TDRD5: variants seen among roughly 807,000 people sequenced by gnomAD.
TDRD5 encodes the protein tudor domain-containing protein 5.
Under a neutral mutation model 120.6 loss-of-function variants are expected in TDRD5, and 41 were observed. The observed-to-expected ratio is 0.34, with a 90% confidence interval of 0.26 to 0.44. The LOEUF is 0.44. Among genes scored for constraint, TDRD5 ranks in the 20% least tolerant of loss-of-function variants. The probability of loss-of-function intolerance (pLI) is 1.00; values close to 1 mark genes in which losing one functional copy is unlikely to be tolerated. For synonymous variants in TDRD5, 430 were observed against 433.7 expected, an observed-to-expected ratio of 0.99 and a Z score of 0.11; for missense variants, 1,006 against 1,221.2, an observed-to-expected ratio of 0.82 and a Z score of 2.63.
intron 6 of TDRD5, among the ~76,000 whole-genome samples, chr1:179,623,962 A>G (rs1216874867): frequency 1.3e-5 from 2 of 152,040 alleles, no homozygotes; most frequent in Admixed American, 1.3e-4. Flanking sequence ...CTATAAATAC[A>G]TTGTCCTGCT....
At chr1:179,615,814 T>G (rs1676538319) in intron 4 of TDRD5, among the ~76,000 whole-genome samples, 1 of 152,048 alleles carries the variant, frequency 6.6e-6, no homozygotes, top group African/African-American at 2.4e-5. Flanking sequence ...AGCATTCTAT[T>G]CCTAGCTAAA....
intron 17 of TDRD5, among the ~76,000 whole-genome samples, chr1:179,678,126 C>CTAAT: frequency 6.6e-6 from 1 of 152,006 alleles, no homozygotes; most frequent in African/African-American, 2.4e-5. Context: ...GGAATTACAC[C>CTAAT]CCCAGGGGGA....
intron 17 of TDRD5, among the ~76,000 whole-genome samples, chr1:179,690,396 A>G (rs1036448757): frequency 3.0e-4 from 46 of 152,130 alleles, no homozygotes; most frequent in African/African-American, 1.1e-3. Context: ...CGTTATATCC[A>G]ATTTATTTTT....
intron 9 of TDRD5, among the ~76,000 whole-genome samples, chr1:179,639,296 T>G (rs539199165): frequency 6.6e-6 from 1 of 152,296 alleles, no homozygotes; most frequent in South Asian, 2.1e-4. Flanking sequence ...GAGTCAGGAT[T>G]TGGACCCAGG....
At chr1:179,625,443 C>T (rs1677071352) in intron 6 of TDRD5, among the ~76,000 whole-genome samples, 1 of 152,110 alleles carries the variant, frequency 6.6e-6, no homozygotes, top group Non-Finnish European at 1.5e-5. Flanking sequence ...ATTCAGAATA[C>T]ATAAAGACGA....
At chr1:179,655,403 C>A (rs1327626672) in intron 14 of TDRD5, among the ~76,000 whole-genome samples, 2 of 152,280 alleles carry the variant, frequency 1.3e-5, no homozygotes, top group Non-Finnish European at 2.9e-5. Context: ...CACTGTTACA[C>A]CTTTTTTTCC....
At chr1:179,606,998 A>T (rs1676016052) in intron 4 of TDRD5, among the ~76,000 whole-genome samples, 1 of 152,102 alleles carries the variant, frequency 6.6e-6, no homozygotes, top group Admixed American at 6.5e-5. Flanking sequence ...TTTGTTTGGG[A>T]TTGAATAGAA....
chr1:179,593,003 A>G (rs1675199289), intron 2 of TDRD5, among the ~76,000 whole-genome samples, 156 bp downstream of exon 2: 1 of 152,190 alleles, frequency 6.6e-6, no homozygotes, highest in African/African-American at 2.4e-5. Flanking sequence ...GTTGTGGGCA[A>G]AATTGGAACC....
chr1:179,690,831 A>G lies in TDRD5; in HGVS notation c.2996A>G (p.Lys999Arg). 1.9e-6 allele frequency: 3 copies of G among 1,614,240 alleles called. No individual in the cohort carries two copies. Among genetic ancestry groups the G allele is most frequent in the Non-Finnish European group, 2.5e-6 (3 of 1,180,036 alleles). ...TCTTATGAGTGCCAGATTTCTCAGA[A>G]GCTCTACATTCCTCGAAGTACAGCC... ...ILSYECQISQ[K>R]LYIPRSTATA... is the part of the protein sequence containing the mutation. Residue 999 changes from lysine (K) to arginine (R), a missense_variant, in exon 18 of 18, where the codon AAG becomes AGG. Around this residue, in one of 3 missense-constraint regions of TDRD5, gnomAD observed 403 missense variants for 448.1 expected, o/e 0.90. Coordinates refer to ENST00000444136, the MANE Select transcript of TDRD5 (RefSeq NM_001199085.3).
At chr1:179,623,625 C>CTT (rs11428251) in intron 6 of TDRD5, among the ~76,000 whole-genome samples, 10,082 of 97,578 alleles carry the variant, frequency 0.1, 420 homozygotes, top group Non-Finnish European at 0.13. Context: ...CCAACTCATT[C>CTT]TTTTTTTTTT....
intron 11 of TDRD5, among the ~76,000 whole-genome samples, chr1:179,646,916 G>A (rs1408003670): frequency 6.6e-6 from 1 of 150,566 alleles, no homozygotes; most frequent in East Asian, 1.9e-4. Flanking sequence ...CCTCTTCAAG[G>A]AGAACTACAA....
intron 5 of TDRD5, among the ~76,000 whole-genome samples, chr1:179,620,695 T>G (rs573889299): frequency 4.6e-5 from 7 of 152,264 alleles, no homozygotes; most frequent in African/African-American, 1.4e-4. Context: ...TTTCTAACAA[T>G]TAAAATGCTT....
chr1:179,593,446 T>G lies in TDRD5; in HGVS notation c.233-14T>G. 6.2e-7 allele frequency: 1 copy of G among 1,605,072 alleles called. No homozygotes were observed. The highest frequency in any genetic ancestry group is 8.5e-7 in the Non-Finnish European group (1 of 1,173,888). ...TTTTCCTCCTAAATATGATTTCTATTTTTCACGTCTCAGCCATTCCAGATG... is the reference window on the plus strand; with the variant it reads ...TTTTCCTCCTAAATATGATTTCTATGTTTCACGTCTCAGCCATTCCAGATG... On this transcript the variant is annotated splice_polypyrimidine_tract_variant and intron_variant, in intron 2 of 17. Coordinates refer to ENST00000444136, the MANE Select transcript of TDRD5 (RefSeq NM_001199085.3).
chr1:179,650,566 A>G (rs1447824475), intron 11 of TDRD5, among the ~76,000 whole-genome samples: 2 of 152,072 alleles, frequency 1.3e-5, no homozygotes, highest in African/African-American at 4.8e-5. Flanking sequence ...TTTACCTAGA[A>G]TTTTTAGTTG....
intron 6 of TDRD5, among the ~76,000 whole-genome samples, chr1:179,621,583 G>A (rs552227373): frequency 1.3e-5 from 2 of 152,126 alleles, no homozygotes; most frequent in East Asian, 3.9e-4. Context: ...AGAAACAAAT[G>A]GACATCAGTA....
In TDRD5 at chr1:179,669,244, A is replaced by G. The variant is rs893552159; in HGVS notation, c.2700A>G (p.Glu900=). ...SSDSSTLPKL[E]EFCTSLTQSE... ...ATTCTTCCACACTGCCCAAATTGGAAGAATTCTGTACCTCTCTTACCCAGT... is the reference window on the plus strand; with the variant it reads ...ATTCTTCCACACTGCCCAAATTGGAGGAATTCTGTACCTCTCTTACCCAGT... Residue 900 remains glutamate (E), a synonymous_variant, in exon 17 of 18, where the codon GAA becomes GAG. Transcript: ENST00000444136. 7.4e-6 allele frequency: 12 copies of G among 1,614,056 alleles called. No homozygotes were observed. Among genetic ancestry groups the G allele is most frequent in the Non-Finnish European group, 1.0e-5 (12 of 1,180,050 alleles).
In TDRD5 at chr1:179,640,368, A is replaced by G. The variant is rs751709203; in HGVS notation, c.1734-11A>G. ...GAAGATTGAACTTACATATTTGATT[A>G]TCTATTGCAGGTGCTGCTACACAAA... On this transcript the variant is annotated splice_polypyrimidine_tract_variant and intron_variant, in intron 10 of 17. Coordinates refer to ENST00000444136, the MANE Select transcript of TDRD5 (RefSeq NM_001199085.3). 1.9e-6 allele frequency: 3 copies of G among 1,614,086 alleles called. No homozygotes were observed. The highest frequency in any genetic ancestry group is 1.7e-5 in the Admixed American group (1 of 60,028).
chr1:179,662,314 A>G (rs376946916), intron 15 of TDRD5, 28 bp downstream of exon 15: 2 of 1,594,170 alleles, frequency 1.3e-6, no homozygotes, highest in African/African-American at 2.7e-5. Flanking sequence ...ATAGAAAGCA[A>G]ATCAGGCCGG....
intron 11 of TDRD5, among the ~76,000 whole-genome samples, chr1:179,646,612 G>A (rs972621307): frequency 6.7e-6 from 1 of 149,360 alleles, no homozygotes; most frequent in Non-Finnish European, 1.5e-5. Flanking sequence ...AGGGCAATTA[G>A]GCAGGAGAAG....
Sources: allele counts gnomAD v4.1 joint callset (sites outside exome capture counted in the v4.1 genomes callset), GRCh38; gene constraint gnomAD v4.1.1; regional missense constraint gnomAD v4.1.1; transcripts MANE v1.5; gene names NCBI Gene and HGNC (gene_info 2026-07-23, HGNC 2026-07-21).